The following ADGRL2 variants were observed in gnomAD, a reference collection of about 807,000 sequenced individuals.
The protein encoded by ADGRL2 is adhesion G protein-coupled receptor L2, also known as calcium-independent alpha-latrotoxin receptor 2.
In ADGRL2, 44 loss-of-function variants were observed where a neutral mutation model predicts 157.4. The ratio of observed to expected loss-of-function variants is 0.28; its 90% CI spans 0.22 to 0.36. The LOEUF (loss-of-function observed/expected upper bound fraction) is 0.36. Among genes scored for constraint, ADGRL2 ranks in the 10% least tolerant of loss-of-function variants. ADGRL2 has a pLI of 1.00. For synonymous variants in ADGRL2, 585 were observed against 624.7 expected (o/e 0.94, Z 0.95); for missense variants, 1,510 against 1,768.9 (o/e 0.85, Z 2.63).
chr1:81,313,782 T>C (rs1201353622), intron 1 of ADGRL2, among the ~76,000 whole-genome samples: 1 of 152,194 alleles, frequency 6.6e-6, no homozygotes, highest in East Asian at 1.9e-4. Flanking sequence ...TGTAGGATTT[T>C]TCTGATTTCT....
At chr1:81,583,685 A>G (rs1443989207) in intron 3 of ADGRL2, among the ~76,000 whole-genome samples, 1 of 152,176 alleles carries the variant, frequency 6.6e-6, no homozygotes, top group Admixed American at 6.6e-5. Flanking sequence ...AATTTTAATT[A>G]CAGTTTGAAA....
intron 1 of ADGRL2, among the ~76,000 whole-genome samples, chr1:81,350,040 G>A (rs1662772815): frequency 6.6e-6 from 1 of 152,064 alleles, no homozygotes; most frequent in African/African-American, 2.4e-5. Context: ...TCATTTGAGT[G>A]TTCCATGAAA....
At chr1:81,620,454 A>G (rs902224069) in intron 3 of ADGRL2, among the ~76,000 whole-genome samples, 1 of 152,246 alleles carries the variant, frequency 6.6e-6, no homozygotes, top group South Asian at 2.1e-4. Context: ...CATGTAATAC[A>G]CAAATATGGC....
At chr1:81,576,374 A>G (rs2080798037) in intron 2 of ADGRL2, among the ~76,000 whole-genome samples, 2 of 152,088 alleles carry the variant, frequency 1.3e-5, no homozygotes, top group South Asian at 2.1e-4. Flanking sequence ...CCTCTAAATC[A>G]TAAATAATAA....
intron 2 of ADGRL2, among the ~76,000 whole-genome samples, chr1:81,496,159 G>C (rs559805766): frequency 1.3e-5 from 2 of 152,074 alleles, no homozygotes; most frequent in Non-Finnish European, 2.9e-5. Context: ...TGTCACAATC[G>C]TTTTAATTTT....
intron 1 of ADGRL2, among the ~76,000 whole-genome samples, chr1:81,385,969 G>A (rs887866276): frequency 3.9e-5 from 6 of 152,126 alleles, no homozygotes; most frequent in African/African-American, 7.2e-5. Context: ...AGCTCGATAT[G>A]TCTCTATAAT....
At chr1:81,856,364 C>A (rs916235658) in intron 2 of ADGRL2, among the ~76,000 whole-genome samples, 9 of 152,108 alleles carry the variant, frequency 5.9e-5, no homozygotes, top group African/African-American at 2.4e-5. Flanking sequence ...AGTTCAAATT[C>A]TTGAGAACAA....
intron 1 of ADGRL2, among the ~76,000 whole-genome samples, chr1:81,402,138 G>A (rs1272425182): frequency 6.6e-6 from 1 of 152,090 alleles, no homozygotes; most frequent in Non-Finnish European, 1.5e-5. Flanking sequence ...CTAAAATCTA[G>A]CCTCTTTACT....
chr1:81,697,169 AG>A (rs1557574246), upstream of ADGRL2, among the ~76,000 whole-genome samples: 1 of 152,200 alleles, frequency 6.6e-6, no homozygotes, highest in Non-Finnish European at 1.5e-5. Context: ...AGACAGCCTT[AG>A]GGGTTCAAAT....
intron 2 of ADGRL2, among the ~76,000 whole-genome samples, chr1:81,767,732 C>A (rs1316989474): frequency 1.3e-5 from 2 of 151,422 alleles, no homozygotes. Context: ...ATATGCCAGG[C>A]ATGGTGGCAA....
At position 81,366,541 on chromosome 1, in the gene ADGRL2, C is replaced by T. The variant is rs1267389962; in HGVS notation, c.-302+60032C>T. ...TGCTATCTTTATGCTTTTCACTGAC[C>T]CAGGATCATATACTCCTTAATATAT... On this transcript the variant is annotated intron_variant, in intron 1 of 24. Coordinates refer to the ADGRL2 transcript ENST00000370721. Among the ~76,000 whole-genome samples, 7 of 151,962 alleles carry T rather than the reference C, an allele frequency of 4.6e-5. No individual in the cohort carries two copies. The East Asian group carries it at 1.4e-3, about 29-fold the overall frequency.
At chr1:81,374,108 T>C (rs2076205870) in intron 1 of ADGRL2, among the ~76,000 whole-genome samples, 2 of 152,058 alleles carry the variant, frequency 1.3e-5, no homozygotes, top group Admixed American at 1.3e-4. Flanking sequence ...CCCTTATGAA[T>C]ACATGTAAGA....
intron 1 of ADGRL2, among the ~76,000 whole-genome samples, chr1:81,436,811 A>G (rs1397494973): frequency 2.0e-5 from 3 of 152,248 alleles, no homozygotes; most frequent in Non-Finnish European, 4.4e-5. Flanking sequence ...GATTGGATCC[A>G]ATTATATAGG....
chr1:81,363,044 A>T (rs2076005345), intron 1 of ADGRL2, among the ~76,000 whole-genome samples: 1 of 152,092 alleles, frequency 6.6e-6, no homozygotes, highest in Admixed American at 6.6e-5. Flanking sequence ...ATTTATGTAC[A>T]TATATGTATG....
At chr1:81,567,805 C>G (rs2080596472) in intron 2 of ADGRL2, among the ~76,000 whole-genome samples, 1 of 152,026 alleles carries the variant, frequency 6.6e-6, no homozygotes. Flanking sequence ...AACAAACTAG[C>G]TGATAGAGTA....
rs377300757 is a variant in ADGRL2, at chr1:81,502,336, T to C, written c.-248+57247T>C. On this transcript the variant is annotated intron_variant, in intron 2 of 24. Transcript: ENST00000370721. ...ATCTGGATGAGCAGCTCAAGCAGAA[T>C]GGTGGTTTGGCCTGGAGTGATGATG... 3.6e-5 allele frequency: 58 copies of C among 1,614,034 alleles called. No individual in the cohort carries two copies. In the African/African-American group the frequency reaches 3.9e-4, roughly 11 times the overall value.
intron 10 of ADGRL2, among the ~76,000 whole-genome samples, chr1:81,953,364 C>T (rs375856110): frequency 3.3e-5 from 5 of 152,048 alleles, no homozygotes; most frequent in African/African-American, 1.2e-4. Flanking sequence ...GATATATTCT[C>T]GGCAGTTTAT....
chr1:81,514,263 T>C (rs1335979579), intron 2 of ADGRL2, among the ~76,000 whole-genome samples: 3 of 152,172 alleles, frequency 2.0e-5, no homozygotes, highest in South Asian at 2.1e-4. Flanking sequence ...ATATATTTAT[T>C]GGAGGTGCCT....
At chr1:81,948,341 G>A (rs928374231) in intron 6 of ADGRL2, among the ~76,000 whole-genome samples, 1 of 151,298 alleles carries the variant, frequency 6.6e-6, no homozygotes, top group Non-Finnish European at 1.5e-5. Flanking sequence ...TCCTTTTAAT[G>A]TCTACCTTGA....
Sources: allele counts gnomAD v4.1 joint callset (sites outside exome capture counted in the v4.1 genomes callset), GRCh38; gene constraint gnomAD v4.1.1; transcripts MANE v1.5; gene names NCBI Gene and HGNC (gene_info 2026-07-23, HGNC 2026-07-21).